Variants in PDE4D observed in about 807,000 individuals in gnomAD.
PDE4D encodes phosphodiesterase 4D, also known as 3',5'-cyclic-AMP phosphodiesterase 4D.
In PDE4D, 24 loss-of-function variants were observed where a neutral mutation model predicts 87.4. That is an observed-to-expected ratio of 0.27 (90% CI 0.20 to 0.39). PDE4D has a LOEUF of 0.39. PDE4D is among the 10% of genes least tolerant of loss of function. The probability of loss-of-function intolerance (pLI) is 1.00; values close to 1 mark genes in which losing one functional copy is unlikely to be tolerated. For missense variants in PDE4D, 714 were observed against 1,041.0 expected, an observed-to-expected ratio of 0.69 and a Z score of 4.32; for synonymous variants, 384 against 383.2, an observed-to-expected ratio of 1.00 and a Z score of -0.02.
chr5:60,212,166 A>ATT (rs70975374), intron 1 of PDE4D, among the ~76,000 whole-genome samples: 1 of 151,434 alleles, frequency 6.6e-6, no homozygotes, highest in Non-Finnish European at 1.5e-5. Context: ...TTATATATAT[A>ATT]TTTTTTTTCT....
intron 2 of PDE4D, among the ~76,000 whole-genome samples, chr5:60,031,338 A>G (rs1346686005): frequency 6.6e-6 from 1 of 152,218 alleles, no homozygotes; most frequent in East Asian, 1.9e-4. Context: ...ATTAAACATG[A>G]CAAAGGCTAT....
intron 3 of PDE4D, among the ~76,000 whole-genome samples, chr5:59,974,670 G>C (rs1352205247): frequency 6.6e-6 from 1 of 152,176 alleles, no homozygotes; most frequent in Admixed American, 6.5e-5. Context: ...CAGAGGACAG[G>C]TGGACCAATT....
chr5:60,120,938 C>T (rs1342369715), intron 2 of PDE4D, among the ~76,000 whole-genome samples: 2 of 152,114 alleles, frequency 1.3e-5, no homozygotes, highest in Non-Finnish European at 2.9e-5. Flanking sequence ...CACCCTTAAT[C>T]TGAGTGGGCA....
chr5:59,873,703 A>G (rs1457032659), intron 1 of PDE4D, among the ~76,000 whole-genome samples: 1 of 152,230 alleles, frequency 6.6e-6, no homozygotes, highest in African/African-American at 2.4e-5. Context: ...CATAAGCAGA[A>G]AAATACTCTA....
intron 1 of PDE4D, among the ~76,000 whole-genome samples, chr5:59,747,235 C>T (rs1367673657): frequency 2.0e-5 from 3 of 152,114 alleles, no homozygotes; most frequent in African/African-American, 4.8e-5. Flanking sequence ...ATCTTCCAAA[C>T]CCAATGAGTC....
intron 1 of PDE4D, among the ~76,000 whole-genome samples, chr5:59,873,925 T>C (rs1376190207): frequency 6.6e-6 from 1 of 152,198 alleles, no homozygotes; most frequent in Non-Finnish European, 1.5e-5. Flanking sequence ...AGAAGCAAGA[T>C]TTAAGCTAGG....
rs1259183001 is a variant in PDE4D at position 59,171,929 on chromosome 5, ATAT to A, written c.808+8663_808+8665del. ...ATATGAGAAATACATTATATAATAA[ATAT>A]TATATTTATTTATATGAGAATTATA... On this transcript the variant is annotated intron_variant, in intron 5 of 14. Transcript: ENST00000340635. 5.1e-4 allele frequency among the ~76,000 whole-genome samples: 50 copies of A among 97,682 alleles called. 1 individual carries two copies. Among genetic ancestry groups the A allele is most frequent in the Admixed American group, 4.8e-3 (38 of 7,976 alleles). 64.1% of individuals were successfully genotyped at this position (97,682 alleles called of 152,430 possible). A position where few individuals can be genotyped will look rare whatever the true frequency, so the allele number is the denominator to read the frequency against.
chr5:59,025,996 AGCAT>A (rs1053459757), intron 6 of PDE4D, among the ~76,000 whole-genome samples: 6 of 152,266 alleles, frequency 3.9e-5, no homozygotes, highest in African/African-American at 9.6e-5. Context: ...TGGGAATGCA[AGCAT>A]GCCCTAGGCA....
intron 2 of PDE4D, chr5:60,021,879 T>G (rs756065423): frequency 6.6e-6 from 1 of 152,158 alleles, no homozygotes; most frequent in Non-Finnish European, 1.5e-5. Context: ...ATTTTTACCT[T>G]AATTTTATTT....
chr5:59,093,389 C>G (rs903602710), intron 5 of PDE4D, among the ~76,000 whole-genome samples: 2 of 152,172 alleles, frequency 1.3e-5, no homozygotes, highest in Non-Finnish European at 2.9e-5. Context: ...CTGTAGCAAA[C>G]TAGGAGAGGC....
intron 1 of PDE4D, among the ~76,000 whole-genome samples, chr5:59,551,955 C>T (rs986905842): frequency 6.6e-6 from 1 of 152,134 alleles, no homozygotes; most frequent in Non-Finnish European, 1.5e-5. Context: ...GTGGTTCACA[C>T]CTATAATCCC....
chr5:58,992,096 T>C lies in PDE4D; in HGVS notation c.1016-92A>G, dbSNP rs555512695. 8.2e-5 allele frequency: 65 copies of C among 789,820 alleles called. No individual in the cohort carries two copies. The African/African-American group carries it at 1.1e-3, about 13-fold the overall frequency. 48.9% of individuals were successfully genotyped at this position (789,820 alleles called of 1,614,324 possible). On this transcript the variant is annotated intron_variant, in intron 7 of 14. Coordinates refer to ENST00000340635, the MANE Select transcript of PDE4D (RefSeq NM_001104631.2). ...TTGGAAGGATTATAATTGATCATTA[T>C]ATATTCCAGGAAATGTTTCCAACTA...
intron 1 of PDE4D, among the ~76,000 whole-genome samples, chr5:59,512,104 A>G (rs1410487004): frequency 6.6e-6 from 1 of 152,156 alleles, no homozygotes; most frequent in Non-Finnish European, 1.5e-5. Context: ...AGTCATGTAA[A>G]ATGTCTCAAC....
At chr5:60,511,799 A>G (rs1465486626) in intron 1 of PDE4D, among the ~76,000 whole-genome samples, 1 of 151,988 alleles carries the variant, frequency 6.6e-6, no homozygotes, top group Non-Finnish European at 1.5e-5. Flanking sequence ...TACAGAAAAA[A>G]TATTTTAAAA....
At chr5:60,107,151 T>A (rs868794479) in intron 2 of PDE4D, among the ~76,000 whole-genome samples, 6 of 151,440 alleles carry the variant, frequency 4.0e-5, no homozygotes, top group African/African-American at 1.5e-4. Flanking sequence ...ATCAAATAGA[T>A]GCAATAAAAA....
intron 1 of PDE4D, among the ~76,000 whole-genome samples, chr5:59,539,469 C>T (rs1388058006): frequency 6.6e-6 from 1 of 152,140 alleles, no homozygotes; most frequent in East Asian, 1.9e-4. Flanking sequence ...GCAGCCATTA[C>T]TTAAGAAGAG....
chr5:59,908,728 C>G (rs937641399), intron 3 of PDE4D, among the ~76,000 whole-genome samples: 3 of 152,158 alleles, frequency 2.0e-5, no homozygotes, highest in Non-Finnish European at 4.4e-5. Flanking sequence ...TAGAGTTGGT[C>G]TCTCAGCTAA....
chr5:59,403,936 C>G (rs929845977), intron 1 of PDE4D, among the ~76,000 whole-genome samples: 4 of 152,174 alleles, frequency 2.6e-5, no homozygotes, highest in African/African-American at 9.7e-5. Flanking sequence ...TAGGAGTGTT[C>G]TCTTTTCTCT....
At chr5:59,294,282 TG>T (rs1456972739) in intron 1 of PDE4D, among the ~76,000 whole-genome samples, 12 of 152,194 alleles carry the variant, frequency 7.9e-5, no homozygotes, top group Admixed American at 6.6e-4. Context: ...ACTGCATCTC[TG>T]TGTGAGCTGT....
Sources: allele counts gnomAD v4.1 joint callset (sites outside exome capture counted in the v4.1 genomes callset), GRCh38; gene constraint gnomAD v4.1.1; transcripts MANE v1.5; gene names NCBI Gene and HGNC (gene_info 2026-07-23, HGNC 2026-07-21).